Variants in BCAT1 observed in about 807,000 individuals in gnomAD.
BCAT1 encodes the protein branched-chain-amino-acid aminotransferase, cytosolic.
In BCAT1, 48 loss-of-function variants were observed where a neutral mutation model predicts 52.4. That is an observed-to-expected ratio of 0.92 (90% CI 0.73 to 1.16). The LOEUF (loss-of-function observed/expected upper bound fraction) is 1.16, where lower values mean the gene tolerates loss of function less well. Ranked by LOEUF, BCAT1 falls within the 50% of genes most tolerant of loss-of-function variation. BCAT1 has a pLI of 0.00. For missense variants in BCAT1, 451 were observed against 457.1 expected (o/e 0.99, Z 0.12); for synonymous variants, 167 against 161.3 (o/e 1.04, Z -0.27).
At chr12:24,853,356 C>G (rs1941572714) in intron 5 of BCAT1, among the ~76,000 whole-genome samples, 2 of 152,058 alleles carry the variant, frequency 1.3e-5, no homozygotes, top group Admixed American at 1.3e-4. Flanking sequence ...AAACAGAAAA[C>G]CAAAATATCA....
chr12:24,894,362 TGAG>T lies in BCAT1; in HGVS notation c.189_191del (p.Ser64del), dbSNP rs1224519627. On this transcript the variant is annotated inframe_deletion, in exon 3 of 11. Coordinates refer to ENST00000261192, the MANE Select transcript of BCAT1 (RefSeq NM_005504.7). ...TATGAGGTTTCTCCCATCCAAACTC[TGAG>T]GACCACTCCACCGTCAGCATATGAT... 2 of 1,613,930 alleles carry T rather than the reference TGAG, an allele frequency of 1.2e-6. No homozygotes were observed. The highest frequency in any genetic ancestry group is 1.7e-5 in the Admixed American group (1 of 60,008).
chr12:24,901,583 A>G (rs765499534), intron 2 of BCAT1, among the ~76,000 whole-genome samples: 3 of 152,148 alleles, frequency 2.0e-5, no homozygotes, highest in African/African-American at 4.8e-5. Context: ...AGAAAAATAT[A>G]TGACTCAAAA....
chr12:24,834,072 C>A, intron 8 of BCAT1: 2 of 858,670 alleles, frequency 2.3e-6, no homozygotes, highest in Non-Finnish European at 2.8e-6. Context: ...CCCACCTCAG[C>A]CTCCCAAAGT....
chr12:24,882,597 ATT>A, intron 3 of BCAT1, among the ~76,000 whole-genome samples: 1 of 146,464 alleles, frequency 6.8e-6, no homozygotes, highest in African/African-American at 2.5e-5. Flanking sequence ...TTTATTATTT[ATT>A]TTTTTTTTTT....
chr12:24,898,942 G>A (rs548542439), intron 2 of BCAT1, among the ~76,000 whole-genome samples: 1 of 152,140 alleles, frequency 6.6e-6, no homozygotes, highest in Non-Finnish European at 1.5e-5. Flanking sequence ...AGGTTCTTGT[G>A]CATTATTCTT....
At chr12:24,854,744 G>A (rs758472539) in intron 5 of BCAT1, among the ~76,000 whole-genome samples, 5 of 152,102 alleles carry the variant, frequency 3.3e-5, no homozygotes, top group African/African-American at 4.8e-5. Context: ...CTATTTTTAG[G>A]TTGAGGAAAC....
intron 5 of BCAT1, among the ~76,000 whole-genome samples, chr12:24,860,830 C>T (rs755632677): frequency 1.3e-5 from 2 of 152,186 alleles, no homozygotes; most frequent in Non-Finnish European, 2.9e-5. Flanking sequence ...GGAGAATTCA[C>T]ACAACTCATA....
chr12:24,868,912 T>C (rs1305389793), intron 5 of BCAT1, among the ~76,000 whole-genome samples: 1 of 152,226 alleles, frequency 6.6e-6, no homozygotes, highest in African/African-American at 2.4e-5. Flanking sequence ...ACATAGGATT[T>C]GCCATAGACT....
chr12:24,909,326 C>T (rs980729641), intron 1 of BCAT1, among the ~76,000 whole-genome samples: 1 of 152,088 alleles, frequency 6.6e-6, no homozygotes, highest in Non-Finnish European at 1.5e-5. Flanking sequence ...TGCCATGTCA[C>T]GTCTCTGGAA....
chr12:24,901,454 T>C (rs1943100142), intron 2 of BCAT1, among the ~76,000 whole-genome samples: 1 of 152,230 alleles, frequency 6.6e-6, no homozygotes. Flanking sequence ...TAGAGTGTTA[T>C]GTGCTACTGA....
At chr12:24,874,929 A>G (rs563919434) in intron 5 of BCAT1, among the ~76,000 whole-genome samples, 4 of 152,274 alleles carry the variant, frequency 2.6e-5, no homozygotes, top group Admixed American at 6.5e-5. Context: ...TCTCTTGGAC[A>G]TAAGACCCAG....
At chr12:24,866,981 C>T (rs1205450967) in intron 5 of BCAT1, among the ~76,000 whole-genome samples, 3 of 152,162 alleles carry the variant, frequency 2.0e-5, no homozygotes, top group African/African-American at 7.2e-5. Context: ...TCTTTGGGTC[C>T]ACACTGCCTT....
At chr12:24,829,920 A>G in intron 9 of BCAT1, 23 bp from the exon 10 acceptor site, 1 of 1,561,272 alleles carries the variant, frequency 6.4e-7, no homozygotes. Flanking sequence ...GGGAAATGAG[A>G]TAATTTGAGG....
chr12:24,926,719 C>T (rs1204103290), intron 1 of BCAT1, among the ~76,000 whole-genome samples: 37 of 152,196 alleles, frequency 2.4e-4, no homozygotes, highest in African/African-American at 8.4e-4. Flanking sequence ...GGATTAAGGG[C>T]GGTGCAAGAT....
At chr12:24,928,905 T>C (rs12818883) in intron 1 of BCAT1, among the ~76,000 whole-genome samples, 1 of 151,794 alleles carries the variant, frequency 6.6e-6, no homozygotes, top group Non-Finnish European at 1.5e-5. Flanking sequence ...CGGCTAATTT[T>C]TTTTATTTTA....
chr12:24,829,245 A>G (rs895264389), intron 10 of BCAT1, among the ~76,000 whole-genome samples: 1 of 150,644 alleles, frequency 6.6e-6, no homozygotes. Flanking sequence ...TTAGCTGGGC[A>G]TGGTGGCGCA....
At chr12:24,900,879 T>C (rs7484721) in intron 2 of BCAT1, among the ~76,000 whole-genome samples, 50,088 of 151,986 alleles carry the variant, frequency 0.33, 8,362 homozygotes, top group Middle Eastern at 0.45. Flanking sequence ...TGCAGTGAGC[T>C]GAGATCGTGC....
intron 1 of BCAT1, among the ~76,000 whole-genome samples, chr12:24,920,017 A>C (rs1943479408): frequency 6.6e-6 from 1 of 151,972 alleles, no homozygotes; most frequent in African/African-American, 2.4e-5. Context: ...TTTCTGTATA[A>C]ATTACCCTGT....
At chr12:24,874,236 C>T (rs1184990034) in intron 5 of BCAT1, among the ~76,000 whole-genome samples, 1 of 152,122 alleles carries the variant, frequency 6.6e-6, no homozygotes, top group African/African-American at 2.4e-5. Context: ...ATCACTTGAA[C>T]CTGGGAAGCA....
Sources: allele counts gnomAD v4.1 joint callset (sites outside exome capture counted in the v4.1 genomes callset), GRCh38; gene constraint gnomAD v4.1.1; transcripts MANE v1.5; gene names NCBI Gene and HGNC (gene_info 2026-07-23, HGNC 2026-07-21).